TXNDC16: variants seen among roughly 807,000 people sequenced by gnomAD.
The protein encoded by TXNDC16 is thioredoxin domain containing 16.
TXNDC16 carries 74 observed loss-of-function variants against 85.6 expected under a neutral mutation model. That is an observed-to-expected ratio of 0.86 (90% CI 0.72 to 1.05). The LOEUF (loss-of-function observed/expected upper bound fraction) is 1.05. Among genes scored for constraint, TXNDC16 ranks in the 50% least tolerant of loss-of-function variants. The pLI is 0.00. For synonymous variants in TXNDC16, 335 were observed against 326.5 expected, an observed-to-expected ratio of 1.03 and a Z score of -0.28; for missense variants, 959 against 947.0, an observed-to-expected ratio of 1.01 and a Z score of -0.17.
chr14:52,504,697 C>T (rs1189890272), intron 9 of TXNDC16, among the ~76,000 whole-genome samples: 5 of 152,208 alleles, frequency 3.3e-5, no homozygotes, highest in Admixed American at 2.0e-4. Flanking sequence ...ATCATAATGA[C>T]AGGATCAAAT....
chr14:52,533,536 C>T (rs1336359072), intron 6 of TXNDC16, among the ~76,000 whole-genome samples: 1 of 152,198 alleles, frequency 6.6e-6, no homozygotes, highest in Non-Finnish European at 1.5e-5. Flanking sequence ...GCCTACAGCG[C>T]TTTGCTGGGC....
At chr14:52,484,323 T>G (rs1241555625) in intron 12 of TXNDC16, among the ~76,000 whole-genome samples, 1 of 152,030 alleles carries the variant, frequency 6.6e-6, no homozygotes, top group African/African-American at 2.4e-5. Flanking sequence ...AACAACACAT[T>G]AAAAAGAAAG....
chr14:52,446,535 C>T (rs774911848), intron 18 of TXNDC16, among the ~76,000 whole-genome samples: 1 of 152,090 alleles, frequency 6.6e-6, no homozygotes, highest in Non-Finnish European at 1.5e-5. Flanking sequence ...TAGGGCTGAA[C>T]TGGGCTCAGA....
At chr14:52,437,527 A>C (rs905321353) in intron 20 of TXNDC16, among the ~76,000 whole-genome samples, 2 of 152,144 alleles carry the variant, frequency 1.3e-5, no homozygotes, top group African/African-American at 4.8e-5. Flanking sequence ...CATAAGCACA[A>C]GCAACCAAAG....
At position 52,489,793 on chromosome 14, in the gene TXNDC16, C is replaced by T. The variant is rs563818417; in HGVS notation, c.984+598G>A. On this transcript the variant is annotated intron_variant, in intron 11 of 20. Coordinates refer to ENST00000281741, the MANE Select transcript of TXNDC16 (RefSeq NM_020784.3). ...GTCATTAACATCCCCCAAAAGTAATCACTATTCTGTCTTTCATCACTGCTA... is the reference window on the plus strand; with the variant it reads ...GTCATTAACATCCCCCAAAAGTAATTACTATTCTGTCTTTCATCACTGCTA... Among the ~76,000 whole-genome samples, 4 of 152,254 alleles carry T rather than the reference C, an allele frequency of 2.6e-5. No individual in the cohort carries two copies. In the South Asian group the frequency reaches 6.2e-4, roughly 24 times the overall value.
In TXNDC16 at chr14:52,536,727, A is replaced by G. The variant is rs1276037545; in HGVS notation, c.384T>C (p.His128=). The G allele has an allele frequency of 6.2e-7, 1 of 1,610,184 alleles. No individual in the cohort carries two copies. Among genetic ancestry groups the G allele is most frequent in the Admixed American group, 1.7e-5 (1 of 59,846 alleles). Reference sequence around the variant, plus strand: ...GTAGCCCCTGTACTTACAAGAGAACATGGGCGACAATGGCATTCACATCAA... The same window carrying G: ...GTAGCCCCTGTACTTACAAGAGAACGTGGGCGACAATGGCATTCACATCAA... ...TLFDVNAIVA[H]VLFALLFSEV... is the part of the protein sequence containing the mutation. The change falls in exon 6 of 21, where the codon CAT becomes CAC. Residue 128 remains histidine, a synonymous_variant. Coordinates refer to ENST00000281741, the MANE Select transcript of TXNDC16 (RefSeq NM_020784.3).
At chr14:52,434,887 A>G (rs1369315142) in intron 20 of TXNDC16, among the ~76,000 whole-genome samples, 1 of 152,250 alleles carries the variant, frequency 6.6e-6, no homozygotes, top group Non-Finnish European at 1.5e-5. Flanking sequence ...GGAAACCCGT[A>G]AAGAATGAGC....
At chr14:52,527,728 T>C (rs1452154507) in intron 6 of TXNDC16, among the ~76,000 whole-genome samples, 1 of 152,156 alleles carries the variant, frequency 6.6e-6, no homozygotes, top group Non-Finnish European at 1.5e-5. Context: ...GTTATTGCCG[T>C]AAGGTCAATT....
intron 1 of TXNDC16, among the ~76,000 whole-genome samples, chr14:52,547,748 G>T (rs1342447325): frequency 6.6e-6 from 1 of 152,184 alleles, no homozygotes; most frequent in Non-Finnish European, 1.5e-5. Context: ...ATCTAGACCA[G>T]TAAAGAGATG....
At chr14:52,466,638 A>G (rs2035782323) in intron 16 of TXNDC16, among the ~76,000 whole-genome samples, 1 of 151,992 alleles carries the variant, frequency 6.6e-6, no homozygotes, top group Admixed American at 6.6e-5. Context: ...AGGCCGAGAT[A>G]GGCGGATCAC....
chr14:52,548,822 C>T (rs2037990618), intron 1 of TXNDC16, among the ~76,000 whole-genome samples: 2 of 151,936 alleles, frequency 1.3e-5, no homozygotes, highest in African/African-American at 4.8e-5. Flanking sequence ...GCAGAGGTTG[C>T]AGTGAGCCGA....
intron 12 of TXNDC16, among the ~76,000 whole-genome samples, chr14:52,486,634 C>T (rs2036278849): frequency 6.6e-6 from 1 of 152,034 alleles, no homozygotes; most frequent in African/African-American, 2.4e-5. Flanking sequence ...AAATTCTTTC[C>T]TAACCCTTAT....
chr14:52,495,879 G>A (rs898405139), intron 9 of TXNDC16, among the ~76,000 whole-genome samples: 23 of 151,998 alleles, frequency 1.5e-4, no homozygotes, highest in African/African-American at 4.1e-4. Context: ...GAGACAGATC[G>A]GCCACCATGG....
intron 8 of TXNDC16, among the ~76,000 whole-genome samples, chr14:52,512,442 A>G (rs529230806): frequency 6.6e-6 from 1 of 152,294 alleles, no homozygotes; most frequent in African/African-American, 2.4e-5. Flanking sequence ...TCCCCCTCCA[A>G]TAAGATAGGA....
intron 4 of TXNDC16, among the ~76,000 whole-genome samples, chr14:52,541,628 C>T (rs2037833482): frequency 1.3e-5 from 2 of 152,150 alleles, no homozygotes; most frequent in African/African-American, 4.8e-5. Flanking sequence ...CAAGAGCGAC[C>T]ATAGCCATCT....
chr14:52,505,627 T>C (rs899931899), intron 9 of TXNDC16, among the ~76,000 whole-genome samples: 15 of 152,086 alleles, frequency 9.9e-5, no homozygotes, highest in African/African-American at 3.6e-4. Context: ...AGATCTAAAA[T>C]TGACACCCTA....
chr14:52,465,375 G>A (rs1004459523), intron 16 of TXNDC16, among the ~76,000 whole-genome samples: 3 of 152,014 alleles, frequency 2.0e-5, no homozygotes, highest in Non-Finnish European at 2.9e-5. Context: ...GGTGGATCAC[G>A]AGGTGAGGAG....
At chr14:52,468,693 C>T (rs2035832272) in intron 16 of TXNDC16, among the ~76,000 whole-genome samples, 1 of 151,914 alleles carries the variant, frequency 6.6e-6, no homozygotes, top group Non-Finnish European at 1.5e-5. Flanking sequence ...GCCTGGGCAA[C>T]ACAGGGAGAC....
intron 11 of TXNDC16, among the ~76,000 whole-genome samples, chr14:52,488,846 A>C (rs1268376746): frequency 6.6e-6 from 1 of 151,656 alleles, no homozygotes; most frequent in Non-Finnish European, 1.5e-5. Flanking sequence ...AAAAAAAAAA[A>C]AAACAAGTTT....
Sources: allele counts gnomAD v4.1 joint callset (sites outside exome capture counted in the v4.1 genomes callset), GRCh38; gene constraint gnomAD v4.1.1; transcripts MANE v1.5; gene names NCBI Gene and HGNC (gene_info 2026-07-23, HGNC 2026-07-21).